The following EYS variants were observed in gnomAD, a reference collection of about 807,000 sequenced individuals.
EYS encodes protein eyes shut homolog.
Under a neutral mutation model 282.1 loss-of-function variants are expected in EYS, and 250 were observed. That is an observed-to-expected ratio of 0.89 (90% CI 0.80 to 0.98). The LOEUF (loss-of-function observed/expected upper bound fraction) is 0.98. EYS is among the 50% of genes least tolerant of loss of function. The pLI, the probability that EYS is intolerant of heterozygous loss-of-function variation, is 0.00. For missense variants in EYS, 4,016 were observed against 3,709.0 expected, an observed-to-expected ratio of 1.08 and a Z score of -2.15; for synonymous variants, 1,355 against 1,282.9, an observed-to-expected ratio of 1.06 and a Z score of -1.20.
intron 33 of EYS, among the ~76,000 whole-genome samples, chr6:64,000,348 C>T (rs1258283970): frequency 2.6e-5 from 4 of 150,944 alleles, no homozygotes; most frequent in African/African-American, 7.3e-5. Flanking sequence ...CCCGCCACCA[C>T]GCCAGGCTAA....
chr6:64,027,708 C>T (rs183290959), intron 33 of EYS, among the ~76,000 whole-genome samples: 1 of 152,116 alleles, frequency 6.6e-6, no homozygotes, highest in Non-Finnish European at 1.5e-5. Context: ...AGCTGCCCCC[C>T]ATCTATGTCC....
In EYS at chr6:64,439,201, T is replaced by A; in HGVS notation, c.5796A>T (p.Gly1932=). The A allele has an allele frequency of 1.4e-6, 2 of 1,478,414 alleles. No individual in the cohort carries two copies. The highest frequency in any genetic ancestry group is 1.8e-6 in the Non-Finnish European group (2 of 1,115,638). 91.6% of individuals were successfully genotyped at this position (1,478,414 alleles called of 1,614,324 possible). The change falls in exon 27 of 43, where the codon GGA becomes GGT. Residue 1932 remains glycine (G), a synonymous_variant. Coordinates refer to ENST00000503581, the MANE Select transcript of EYS (RefSeq NM_001142800.2). ...TTTCAATAAACAATTGAATAAAAAA[T>A]CCATCTACTAAATTTGAGTCTTGCT... ...YVKQDSNLVD[G]FFIQLFIENG... is the part of the protein sequence containing the mutation.
intron 31 of EYS, among the ~76,000 whole-genome samples, chr6:64,195,889 A>C (rs1180180036): frequency 2.6e-5 from 4 of 152,202 alleles, no homozygotes; most frequent in Non-Finnish European, 5.9e-5. Context: ...CAAAATTGAC[A>C]AATGGGATCT....
intron 1 of EYS, among the ~76,000 whole-genome samples, chr6:65,705,499 T>G (rs368912765): frequency 6.6e-6 from 1 of 152,340 alleles, no homozygotes; most frequent in East Asian, 1.9e-4. Context: ...TTTTAACGCA[T>G]TAACTCAATA....
chr6:63,893,892 C>T (rs1215367826), intron 35 of EYS, among the ~76,000 whole-genome samples: 2 of 152,124 alleles, frequency 1.3e-5, no homozygotes, highest in Non-Finnish European at 2.9e-5. Flanking sequence ...CTTCTCCTGT[C>T]CACTAAGAAT....
intron 22 of EYS, among the ~76,000 whole-genome samples, chr6:64,663,183 A>C (rs1769105385): frequency 6.6e-6 from 1 of 152,230 alleles, no homozygotes; most frequent in Non-Finnish European, 1.5e-5. Flanking sequence ...TTTGCTAAAA[A>C]TTCAAAATCC....
rs1774211954 is a variant in EYS, at chr6:64,420,946, C to A, written c.5927+15228G>T. On this transcript the variant is annotated intron_variant, in intron 28 of 42. Transcript: ENST00000503581. ...CCACATTTTTCTTTCTTCTTCTGAA[C>A]CCTCCAAACTATTTCACCCTCTCCC... 2.0e-5 allele frequency among the ~76,000 whole-genome samples: 3 copies of A among 152,128 alleles called. No individual in the cohort carries two copies. In the South Asian group the frequency reaches 6.2e-4, roughly 31 times the overall value.
Position 63,995,307 on chromosome 6 carries a change from A to C in EYS, c.6834+3768T>G, listed in dbSNP as rs777322021. The stretch of plus-strand genomic sequence containing the variant: ...CCAACAGGTATGTGAAAAGATGCTC[A>C]CCATCTCCAATCATCAGGGAAATGC... On this transcript the variant is annotated intron_variant, in intron 34 of 42. Transcript: ENST00000503581. Among the ~76,000 whole-genome samples the C allele has an allele frequency of 5.8e-4, 88 of 152,158 alleles. 1 individual carries two copies. The highest frequency in any genetic ancestry group is 1.1e-3 in the Non-Finnish European group (72 of 67,912).
At chr6:64,658,043 T>C (rs1768821061) in intron 22 of EYS, among the ~76,000 whole-genome samples, 1 of 152,212 alleles carries the variant, frequency 6.6e-6, no homozygotes, top group Non-Finnish European at 1.5e-5. Flanking sequence ...TCTGGGAGGC[T>C]TTGTTCACTT....
intron 40 of EYS, among the ~76,000 whole-genome samples, chr6:63,764,557 A>G (rs1769735323): frequency 6.6e-6 from 1 of 152,030 alleles, no homozygotes; most frequent in African/African-American, 2.4e-5. Flanking sequence ...TATCTACTTG[A>G]AAAAAGCTTA....
chr6:64,398,959 A>T (rs2150434784), intron 28 of EYS, among the ~76,000 whole-genome samples: 1 of 152,000 alleles, frequency 6.6e-6, no homozygotes, highest in African/African-American at 2.4e-5. Context: ...AACTGTTAAA[A>T]ATATCTGAGG....
chr6:64,518,698 G>T (rs777181423), intron 26 of EYS, among the ~76,000 whole-genome samples: 1 of 151,310 alleles, frequency 6.6e-6, no homozygotes, highest in Non-Finnish European at 1.5e-5. Flanking sequence ...AAGAAGTAGA[G>T]ATAATTGAAT....
intron 1 of EYS, among the ~76,000 whole-genome samples, chr6:65,659,411 T>C (rs9345666): frequency 0.41 from 61,501 of 151,420 alleles, 14,979 homozygotes; most frequent in Non-Finnish European, 0.54. Context: ...AAGTAAAATG[T>C]TGGAATATAA....
At chr6:63,790,384 C>T (rs1426931110) in intron 37 of EYS, among the ~76,000 whole-genome samples, 3 of 152,146 alleles carry the variant, frequency 2.0e-5, no homozygotes, top group Non-Finnish European at 2.9e-5. Context: ...GATACTTGAA[C>T]GCTGCCTCTG....
chr6:64,493,339 C>T (rs1776791981), intron 26 of EYS, among the ~76,000 whole-genome samples: 1 of 151,334 alleles, frequency 6.6e-6, no homozygotes, highest in African/African-American at 2.4e-5. Flanking sequence ...GGAAAATCTG[C>T]TCACATCTAG....
intron 19 of EYS, 72 bp downstream of exon 19, chr6:64,886,625 G>A: frequency 7.9e-7 from 1 of 1,260,426 alleles, no homozygotes; most frequent in Non-Finnish European, 1.1e-6. Flanking sequence ...AGGTTTTGGA[G>A]TATAAATATG....
At chr6:65,329,295 T>C in intron 11 of EYS, 3 of 804,844 alleles carry the variant, frequency 3.7e-6, no homozygotes, top group Non-Finnish European at 4.5e-6. Flanking sequence ...AATGCTTCAT[T>C]TAATGAAGTT....
At chr6:65,264,400 G>A (rs1004862076) in intron 12 of EYS, among the ~76,000 whole-genome samples, 2 of 152,168 alleles carry the variant, frequency 1.3e-5, no homozygotes, top group African/African-American at 4.8e-5. Flanking sequence ...CAGAGAATGA[G>A]ACTGGATTTT....
intron 12 of EYS, among the ~76,000 whole-genome samples, chr6:65,215,157 C>T (rs1398239885): frequency 6.6e-6 from 1 of 151,972 alleles, no homozygotes; most frequent in Non-Finnish European, 1.5e-5. Flanking sequence ...TTTTATAAGG[C>T]TATAGATACC....
Sources: allele counts gnomAD v4.1 joint callset (sites outside exome capture counted in the v4.1 genomes callset), GRCh38; gene constraint gnomAD v4.1.1; transcripts MANE v1.5; gene names NCBI Gene and HGNC (gene_info 2026-07-23, HGNC 2026-07-21).